Variants in AK4 observed in about 807,000 individuals in gnomAD.
AK4 encodes the protein adenylate kinase 4, mitochondrial.
In AK4, 13 loss-of-function variants were observed where a neutral mutation model predicts 24.6. That is an observed-to-expected ratio of 0.53 (90% CI 0.34 to 0.84). The LOEUF (loss-of-function observed/expected upper bound fraction) is 0.84, where lower values mean the gene tolerates loss of function less well. AK4 is among the 40% of genes least tolerant of loss of function. The pLI is 0.01. For missense variants in AK4, 192 were observed against 288.2 expected, an observed-to-expected ratio of 0.67 and a Z score of 2.42; for synonymous variants, 88 against 107.0, an observed-to-expected ratio of 0.82 and a Z score of 1.10.
chr1:65,187,366 AAAG>A (rs1651136394), intron 1 of AK4, among the ~76,000 whole-genome samples: 2 of 151,124 alleles, frequency 1.3e-5, no homozygotes, highest in Non-Finnish European at 3.0e-5. Flanking sequence ...AAAAAAAAAA[AAAG>A]AAGTGTCCAG....
At chr1:65,209,963 A>G (rs527816389) in intron 2 of AK4, among the ~76,000 whole-genome samples, 114 of 152,136 alleles carry the variant, frequency 7.5e-4, no homozygotes, top group Admixed American at 2.9e-3. Flanking sequence ...ATATACCACC[A>G]TGCCTGGCTA....
chr1:65,163,324 G>A (rs1199973543), intron 1 of AK4, among the ~76,000 whole-genome samples: 1 of 152,120 alleles, frequency 6.6e-6, no homozygotes, highest in Admixed American at 6.5e-5. Flanking sequence ...TTCACGAATC[G>A]GGCAGCCCTC....
chr1:65,222,706 A>C (rs12022787), intron 3 of AK4, among the ~76,000 whole-genome samples: 42,432 of 152,078 alleles, frequency 0.28, 6,787 homozygotes, highest in East Asian at 0.69. Flanking sequence ...TGTGATAATT[A>C]CATGGCTTAC....
chr1:65,196,577 T>C (rs531593843), intron 2 of AK4, among the ~76,000 whole-genome samples: 2 of 152,156 alleles, frequency 1.3e-5, no homozygotes, highest in South Asian at 4.1e-4. Context: ...CGATTCTCCT[T>C]CCTCAGCCTC....
intron 1 of AK4, among the ~76,000 whole-genome samples, chr1:65,179,629 AAG>A (rs1403887864): frequency 1.3e-5 from 2 of 152,106 alleles, no homozygotes; most frequent in Non-Finnish European, 2.9e-5. Context: ...CCTTGAACTC[AAG>A]AGTTTGAGAC....
chr1:65,168,385 A>T (rs967621419), intron 1 of AK4, among the ~76,000 whole-genome samples: 1 of 151,990 alleles, frequency 6.6e-6, no homozygotes, highest in Non-Finnish European at 1.5e-5. Context: ...ACCTCAGGTG[A>T]TTTACCCGCC....
intron 1 of AK4, among the ~76,000 whole-genome samples, chr1:65,183,679 GTGT>G (rs1650990067): frequency 6.6e-6 from 1 of 151,758 alleles, no homozygotes; most frequent in Non-Finnish European, 1.5e-5. Flanking sequence ...GTGTGTGTGT[GTGT>G]GTGTGTGTGT....
rs578166626 is a variant in AK4 at position 65,211,470 on chromosome 1, T to C, written c.266-7284T>C. 1.8e-4 allele frequency among the ~76,000 whole-genome samples: 28 copies of C among 152,370 alleles called. 1 individual carries two copies. The South Asian group carries it at 5.8e-3, about 32-fold the overall frequency. ...ATTTGCTTCTCACAGTCTGCAGTTT[T>C]CTGTTCAGGAGGAAGACAGCATGGT... On this transcript the variant is annotated intron_variant, in intron 2 of 4. Coordinates refer to ENST00000327299, the MANE Select transcript of AK4 (RefSeq NM_013410.4).
intron 2 of AK4, among the ~76,000 whole-genome samples, chr1:65,215,218 C>A (rs535585656): frequency 1.7e-4 from 26 of 151,220 alleles, no homozygotes; most frequent in African/African-American, 6.1e-4. Context: ...TGTCACCAGG[C>A]TGGAGTGCAG....
At chr1:65,166,476 A>G (rs970152153) in intron 1 of AK4, among the ~76,000 whole-genome samples, 1 of 152,092 alleles carries the variant, frequency 6.6e-6, no homozygotes, top group African/African-American at 2.4e-5. Context: ...ATTTGCATTA[A>G]AGTTATGTGT....
rs1652545451 is a variant in AK4, at chr1:65,228,735, T to C, written c.*2558T>C. The C allele has an allele frequency of 6.8e-6, 1 of 146,514 alleles. No individual in the cohort carries two copies. The highest frequency in any genetic ancestry group is 6.9e-5 in the Admixed American group (1 of 14,588). The allele number at this position is 146,514 out of a possible 1,614,324, so 9.1% of individuals were successfully genotyped here. On this transcript the variant is annotated 3_prime_UTR_variant, in exon 5 of 5. Transcript: ENST00000327299. ...TTTCTTGTTTTGTTTTTTTTTTTTC[T>C]ATTGCCACACATGACCGTTCCTTCA...
chr1:65,152,323 T>TCTCTCC (rs1178923283), intron 1 of AK4, among the ~76,000 whole-genome samples: 2 of 25,436 alleles, frequency 7.9e-5, no homozygotes, highest in East Asian at 1.5e-3. Flanking sequence ...GCTATCTCTC[T>TCTCTCC]CTCTCTCTCT....
intron 1 of AK4, among the ~76,000 whole-genome samples, chr1:65,190,264 T>C (rs983827674): frequency 2.0e-5 from 3 of 151,830 alleles, no homozygotes; most frequent in African/African-American, 7.3e-5. Context: ...TTCTTTCTTT[T>C]TTTTTTTTGA....
chr1:65,210,363 C>T (rs1651934151), intron 2 of AK4, among the ~76,000 whole-genome samples: 1 of 152,130 alleles, frequency 6.6e-6, no homozygotes, highest in Non-Finnish European at 1.5e-5. Flanking sequence ...GGAAGGTAAG[C>T]CATCCTCCTG....
intron 1 of AK4, among the ~76,000 whole-genome samples, chr1:65,189,154 C>T (rs1431152408): frequency 4.6e-5 from 7 of 151,774 alleles, no homozygotes; most frequent in African/African-American, 9.7e-5. Context: ...AGGCTGGTCT[C>T]GAACTCTTGA....
intron 3 of AK4, among the ~76,000 whole-genome samples, chr1:65,221,850 G>A (rs1372253001): frequency 6.6e-6 from 1 of 152,216 alleles, no homozygotes; most frequent in Admixed American, 6.5e-5. Flanking sequence ...TAGTGAAAGT[G>A]CTAACCTAGA....
chr1:65,170,434 C>T (rs1411649271), intron 1 of AK4, among the ~76,000 whole-genome samples: 1 of 152,150 alleles, frequency 6.6e-6, no homozygotes, highest in Non-Finnish European at 1.5e-5. Context: ...TCTTTCTTGT[C>T]TTCTGTTAAA....
At chr1:65,200,213 C>T (rs557040245) in intron 2 of AK4, among the ~76,000 whole-genome samples, 146 of 151,964 alleles carry the variant, frequency 9.6e-4, no homozygotes, top group African/African-American at 3.4e-3. Context: ...TCACGGGCTC[C>T]GGTGATTCTC....
chr1:65,192,200 T>C (rs940178300), intron 2 of AK4, among the ~76,000 whole-genome samples: 2 of 152,232 alleles, frequency 1.3e-5, no homozygotes, highest in Non-Finnish European at 2.9e-5. Flanking sequence ...TTCTAGAGGC[T>C]GGAAAGTCCA....
Sources: gnomAD v4.1 joint callset for allele counts (sites outside exome capture counted in the v4.1 genomes callset) on GRCh38, gnomAD v4.1.1 for gene constraint, MANE v1.5 for transcripts, NCBI Gene and HGNC (gene_info 2026-07-23, HGNC 2026-07-21) for gene names.